The following INPP4B variants were observed in gnomAD, a reference collection of about 807,000 sequenced individuals.
INPP4B encodes inositol polyphosphate 4-phosphatase type II.
A neutral mutation model predicts 122.5 loss-of-function variants in INPP4B; 55 were observed. The ratio of observed to expected loss-of-function variants is 0.45; its 90% CI spans 0.36 to 0.56. INPP4B has a LOEUF of 0.56. Ranked by LOEUF, INPP4B falls within the 20% of genes least tolerant of loss-of-function variation. INPP4B has a pLI of 0.00. For synonymous variants in INPP4B, 403 were observed against 388.7 expected (o/e 1.04, Z -0.43); for missense variants, 1,000 against 1,097.7 (o/e 0.91, Z 1.26).
intron 1 of INPP4B, among the ~76,000 whole-genome samples, chr4:142,843,167 G>A (rs932828790): frequency 5.3e-4 from 80 of 151,236 alleles, no homozygotes; most frequent in African/African-American, 1.9e-3. Context: ...GGTATATACT[G>A]CTCTAAAGTT....
At chr4:142,161,968 C>T (rs1820373405) in intron 16 of INPP4B, among the ~76,000 whole-genome samples, 1 of 151,724 alleles carries the variant, frequency 6.6e-6, no homozygotes, top group Admixed American at 6.6e-5. Context: ...CACCACCCGC[C>T]ATAAAACTAG....
chr4:142,076,868 C>A (rs1399578038), intron 25 of INPP4B, among the ~76,000 whole-genome samples: 8 of 151,804 alleles, frequency 5.3e-5, no homozygotes, highest in East Asian at 1.9e-4. Flanking sequence ...AAAGTACAAT[C>A]AAAAACAAAG....
At chr4:142,492,513 G>A (rs536451810) in intron 2 of INPP4B, among the ~76,000 whole-genome samples, 39 of 152,236 alleles carry the variant, frequency 2.6e-4, no homozygotes, top group African/African-American at 7.5e-4. Flanking sequence ...ACCAAAATGC[G>A]AATAGTGATA....
chr4:142,612,684 G>T (rs759609721), intron 2 of INPP4B, among the ~76,000 whole-genome samples: 1 of 152,172 alleles, frequency 6.6e-6, no homozygotes, highest in African/African-American at 2.4e-5. Flanking sequence ...GGAGGAAAGG[G>T]AAAGAAAACT....
intron 2 of INPP4B, among the ~76,000 whole-genome samples, chr4:142,629,763 T>A (rs754386384): frequency 1.4e-4 from 22 of 152,044 alleles, no homozygotes; most frequent in Admixed American, 3.9e-4. Flanking sequence ...GTTTGTGAAA[T>A]GTTTGATGCA....
intron 2 of INPP4B, among the ~76,000 whole-genome samples, chr4:142,719,113 A>G (rs1161771272): frequency 6.6e-6 from 1 of 151,990 alleles, no homozygotes; most frequent in Non-Finnish European, 1.5e-5. Context: ...AATGGGAACA[A>G]CTCTTCCTTT....
intron 2 of INPP4B, among the ~76,000 whole-genome samples, chr4:142,572,060 A>G (rs1425522): frequency 0.79 from 120,116 of 152,026 alleles, 48,378 homozygotes; most frequent in Non-Finnish European, 0.86. Context: ...CTAAAGATTC[A>G]TTTCTTGGAT....
intron 11 of INPP4B, among the ~76,000 whole-genome samples, chr4:142,254,522 G>C (rs187673759): frequency 1.1e-3 from 166 of 152,312 alleles, no homozygotes; most frequent in African/African-American, 3.7e-3. Flanking sequence ...AGCTGATGGA[G>C]CTGAAAGCCA....
At chr4:142,527,152 G>A (rs1827024919) in intron 2 of INPP4B, among the ~76,000 whole-genome samples, 2 of 151,576 alleles carry the variant, frequency 1.3e-5, no homozygotes. Flanking sequence ...TTTTATCTTG[G>A]TGAAAAGATA....
intron 18 of INPP4B, among the ~76,000 whole-genome samples, chr4:142,125,692 T>C (rs1011492762): frequency 6.6e-6 from 1 of 152,092 alleles, no homozygotes; most frequent in African/African-American, 2.4e-5. Flanking sequence ...CCCTATTCCA[T>C]GAAGATTGGG....
chr4:142,221,631 C>G (rs1269610104), intron 12 of INPP4B, among the ~76,000 whole-genome samples: 1 of 151,468 alleles, frequency 6.6e-6, no homozygotes, highest in Non-Finnish European at 1.5e-5. Context: ...TACTATGGCT[C>G]TTTTTAAATA....
intron 14 of INPP4B, among the ~76,000 whole-genome samples, chr4:142,198,962 A>G (rs541109039): frequency 1.3e-5 from 2 of 152,054 alleles, no homozygotes; most frequent in African/African-American, 2.4e-5. Flanking sequence ...TAGTTCCTAC[A>G]TAGAGATCTT....
chr4:142,577,780 A>T (rs1441277719), intron 2 of INPP4B, among the ~76,000 whole-genome samples: 1 of 151,838 alleles, frequency 6.6e-6, no homozygotes, highest in East Asian at 1.9e-4. Context: ...TCTTATTCTG[A>T]TTGGAAATCA....
At chr4:142,351,292 A>G (rs1318919500) in intron 7 of INPP4B, among the ~76,000 whole-genome samples, 1 of 151,718 alleles carries the variant, frequency 6.6e-6, no homozygotes, top group Non-Finnish European at 1.5e-5. Context: ...TCTATTCCCT[A>G]CCTCTAGAGC....
Position 142,447,121 on chromosome 4 carries a change from G to A in INPP4B, c.-127+15542C>T, listed in dbSNP as rs146881615. 2.0e-3 allele frequency among the ~76,000 whole-genome samples: 304 copies of A among 152,330 alleles called. 1 individual carries two copies. Among genetic ancestry groups the A allele is most frequent in the African/African-American group, 7.0e-3 (291 of 41,588 alleles). Reference sequence around the variant, plus strand: ...GAAATTCTGAAGCAGTGCGGTAGGAGCAGAGTTTTGAGCTGGTTTCTATGA... The same window carrying A: ...GAAATTCTGAAGCAGTGCGGTAGGAACAGAGTTTTGAGCTGGTTTCTATGA... On this transcript the variant is annotated intron_variant, in intron 3 of 25. Transcript: ENST00000262992.
chr4:142,713,555 A>AAGG (rs1229679785), intron 2 of INPP4B, among the ~76,000 whole-genome samples: 6 of 152,344 alleles, frequency 3.9e-5, no homozygotes, highest in Admixed American at 2.0e-4. Context: ...TCAAAGAGAA[A>AAGG]AGGAAGTGAT....
chr4:142,538,091 C>T (rs1295057926), intron 2 of INPP4B, among the ~76,000 whole-genome samples: 1 of 152,106 alleles, frequency 6.6e-6, no homozygotes, highest in African/African-American at 2.4e-5. Context: ...CAATCATGCT[C>T]ATTATGCATG....
intron 1 of INPP4B, among the ~76,000 whole-genome samples, chr4:142,845,717 T>C (rs1046910877): frequency 1.3e-5 from 2 of 151,902 alleles, no homozygotes; most frequent in Non-Finnish European, 2.9e-5. Context: ...CCTTAAGGAC[T>C]TCTTCCCAGG....
At chr4:142,355,045 T>A (rs948362641) in intron 7 of INPP4B, among the ~76,000 whole-genome samples, 1 of 152,010 alleles carries the variant, frequency 6.6e-6, no homozygotes, top group African/African-American at 2.4e-5. Flanking sequence ...GTAGGATGAC[T>A]GGCATGGCCC....
Sources: allele counts gnomAD v4.1 joint callset (sites outside exome capture counted in the v4.1 genomes callset), GRCh38; gene constraint gnomAD v4.1.1; transcripts MANE v1.5; gene names NCBI Gene and HGNC (gene_info 2026-07-23, HGNC 2026-07-21).